Variants in PARPBP observed in about 807,000 individuals in gnomAD.
PARPBP encodes PARP1 binding protein.
In PARPBP, 52 loss-of-function variants were observed where a neutral mutation model predicts 50.0. The observed-to-expected ratio is 1.04, with a 90% CI of 0.83 to 1.31. PARPBP has a LOEUF of 1.31. PARPBP is among the 50% of genes most tolerant of loss of function. The probability of loss-of-function intolerance (pLI) is 0.00; values close to 1 mark genes in which losing one functional copy is unlikely to be tolerated. For missense variants in PARPBP, 697 were observed against 672.0 expected, an observed-to-expected ratio of 1.04 and a Z score of -0.41; for synonymous variants, 244 against 232.1, an observed-to-expected ratio of 1.05 and a Z score of -0.47.
Position 102,165,868 on chromosome 12 carries a change from A to G in PARPBP, c.806A>G (p.Glu269Gly). ...FIDKLDEILGEIPNPSIAGGQ... is the reference protein window; with the variant it reads ...FIDKLDEILGGIPNPSIAGGQ... ...GACAAATTAGATGAGATTCTTGGAG[A>G]AATACCAAACCCAAGGTAATGACTT... The change falls in exon 6 of 11, where the codon GAA becomes GGA. Residue 269 changes from glutamate to glycine, a missense_variant. Glu to Gly is a moderately conservative substitution (Grantham distance 98). Transcript: ENST00000327680. 1 of 1,555,726 alleles carries G rather than the reference A, an allele frequency of 6.4e-7. No individual in the cohort carries two copies. Among genetic ancestry groups the G allele is most frequent in the Non-Finnish European group, 8.8e-7 (1 of 1,131,964 alleles).
At chr12:102,124,532 G>T (rs1881662887) in intron 2 of PARPBP, among the ~76,000 whole-genome samples, 1 of 152,148 alleles carries the variant, frequency 6.6e-6, no homozygotes, top group African/African-American at 2.4e-5. Flanking sequence ...AAGGGTTAGA[G>T]GTGTTCAGAT....
At chr12:102,122,317 A>C (rs12311320) in intron 1 of PARPBP, among the ~76,000 whole-genome samples, 5 of 152,184 alleles carry the variant, frequency 3.3e-5, no homozygotes, top group African/African-American at 1.2e-4. Context: ...ATTAATCTCT[A>C]ATCTTCTACC....
chr12:102,174,962 A>G (rs1419510674), intron 6 of PARPBP, among the ~76,000 whole-genome samples: 2 of 152,202 alleles, frequency 1.3e-5, no homozygotes, highest in East Asian at 1.9e-4. Context: ...TTTTCACGTC[A>G]GTTTCCTTCC....
At chr12:102,195,554 A>T in intron 10 of PARPBP, 107 bp downstream of exon 10, 2 of 825,268 alleles carry the variant, frequency 2.4e-6, no homozygotes, top group East Asian at 5.3e-5. Context: ...ATGAAATGTA[A>T]AGGGTAATAT....
At chr12:102,190,302 A>G (rs1280969317) in intron 9 of PARPBP, among the ~76,000 whole-genome samples, 1 of 152,072 alleles carries the variant, frequency 6.6e-6, no homozygotes, top group Non-Finnish European at 1.5e-5. Flanking sequence ...AATTCATTCA[A>G]AAAACAGTAA....
At position 102,196,658 on chromosome 12, in the gene PARPBP, T is replaced by G. The variant is rs377553179; in HGVS notation, c.*367T>G. On this transcript the variant is annotated 3_prime_UTR_variant, in exon 11 of 11. Transcript: ENST00000327680. ...TGATGTGGACCAACAGGTATCAGAC[T>G]TGCCAACAAGGTCGGTAGACTCTTC... 55 of 1,609,222 alleles carry G rather than the reference T, an allele frequency of 3.4e-5. No individual in the cohort carries two copies. The African/African-American group carries it at 6.8e-4, about 20-fold the overall frequency.
chr12:102,153,922 T>A lies in PARPBP; in HGVS notation c.441T>A (p.Thr147=). The change falls in exon 4 of 11, where the codon ACT becomes ACA. Residue 147 remains threonine, a synonymous_variant. Transcript: ENST00000327680. ...SGKQYAVGDE[T]DLSIPTSPTS... Reference sequence around the variant, plus strand: ...AACAGTATGCAGTAGGTGATGAAACTGATCTTTCTATACCAACATCACCAA... The same window carrying A: ...AACAGTATGCAGTAGGTGATGAAACAGATCTTTCTATACCAACATCACCAA... 6.2e-7 allele frequency: 1 copy of A among 1,611,844 alleles called. No individual in the cohort carries two copies. Among genetic ancestry groups the A allele is most frequent in the Non-Finnish European group, 8.5e-7 (1 of 1,178,022 alleles).
chr12:102,154,801 A>T (rs996309339), intron 4 of PARPBP: 2 of 452,900 alleles, frequency 4.4e-6, no homozygotes, highest in Admixed American at 2.4e-5. Context: ...AAAGGATATC[A>T]ATTAACTAAA....
intron 4 of PARPBP, among the ~76,000 whole-genome samples, chr12:102,157,823 A>G (rs1164143874): frequency 6.6e-6 from 1 of 152,134 alleles, no homozygotes; most frequent in Non-Finnish European, 1.5e-5. Context: ...TAGTATCTAT[A>G]GAATAGTGAG....
chr12:102,173,773 G>A (rs149142858), intron 6 of PARPBP, among the ~76,000 whole-genome samples: 80 of 151,398 alleles, frequency 5.3e-4, no homozygotes, highest in African/African-American at 1.7e-3. Flanking sequence ...AGAGATGTTT[G>A]TCCTCAGGAT....
intron 4 of PARPBP, among the ~76,000 whole-genome samples, chr12:102,164,101 AACTG>A (rs767491139): frequency 7.9e-5 from 12 of 152,184 alleles, no homozygotes; most frequent in Non-Finnish European, 1.5e-4. Context: ...GCTAGTGGGC[AACTG>A]ACTTGCCTGA....
intron 2 of PARPBP, among the ~76,000 whole-genome samples, chr12:102,125,250 T>C (rs1881809033): frequency 6.6e-6 from 1 of 152,224 alleles, no homozygotes; most frequent in Admixed American, 6.5e-5. Flanking sequence ...GAGAGATAGC[T>C]AGTACTGTAA....
chr12:102,197,504 A>T lies in PARPBP; in HGVS notation c.*1213A>T. ...TAAATTTTCATTGAAATAAACGACA[A>T]GTCACATTGCCACTTACCTTTGAAA... On this transcript the variant is annotated 3_prime_UTR_variant, in exon 11 of 11. Transcript: ENST00000327680. The T allele has an allele frequency of 6.3e-7, 1 of 1,580,564 alleles. No homozygotes were observed. Among genetic ancestry groups the T allele is most frequent in the Non-Finnish European group, 8.6e-7 (1 of 1,166,680 alleles).
At chr12:102,121,543 CTCTT>C (rs1881086260) in intron 1 of PARPBP, among the ~76,000 whole-genome samples, 1 of 124,074 alleles carries the variant, frequency 8.1e-6, no homozygotes, top group South Asian at 2.6e-4. Flanking sequence ...CATAGTAATG[CTCTT>C]TTTTTTTTTT....
At chr12:102,133,637 C>G (rs558881110) in intron 2 of PARPBP, among the ~76,000 whole-genome samples, 2 of 151,884 alleles carry the variant, frequency 1.3e-5, no homozygotes, top group Non-Finnish European at 2.9e-5. Flanking sequence ...GAATCCGGGT[C>G]ATGGTTGTTT....
chr12:102,195,975 G>A lies in PARPBP; in HGVS notation c.1424G>A (p.Arg475Lys), dbSNP rs753989591. 2.0e-5 allele frequency: 32 copies of A among 1,603,292 alleles called. No individual in the cohort carries two copies. The highest frequency in any genetic ancestry group is 1.2e-5 in the Non-Finnish European group (14 of 1,175,104). The stretch of plus-strand genomic sequence containing the variant: ...GAGGGTGTAAATCCATCTGTTGGAA[G>A]ATCAACAATTGGAACGAGTTTTGGA... ...LSEGVNPSVG[R>K]STIGTSFGNV... The change falls in exon 11 of 11, where the codon AGA becomes AAA. Residue 475 changes from arginine to lysine, a missense_variant. Coordinates refer to ENST00000327680, the MANE Select transcript of PARPBP (RefSeq NM_017915.5).
intron 4 of PARPBP, among the ~76,000 whole-genome samples, chr12:102,156,262 T>C (rs532958527): frequency 1.4e-5 from 2 of 139,418 alleles, no homozygotes; most frequent in South Asian, 4.8e-4. Flanking sequence ...TCTCGGCTCA[T>C]TGGAAGCTCC....
chr12:102,155,851 G>C (rs1016953019), intron 4 of PARPBP, among the ~76,000 whole-genome samples: 2 of 152,216 alleles, frequency 1.3e-5, no homozygotes, highest in Non-Finnish European at 2.9e-5. Flanking sequence ...GATCTAGCCA[G>C]GCGCTCATTG....
At chr12:102,181,853 T>C (rs1000521475) in intron 8 of PARPBP, among the ~76,000 whole-genome samples, 4 of 152,128 alleles carry the variant, frequency 2.6e-5, no homozygotes, top group Middle Eastern at 3.2e-3. Flanking sequence ...AGATTTGGTG[T>C]CTGATGAGGG....
Sources: allele counts gnomAD v4.1 joint callset (sites outside exome capture counted in the v4.1 genomes callset), GRCh38; gene constraint gnomAD v4.1.1; transcripts MANE v1.5; gene names NCBI Gene and HGNC (gene_info 2026-07-23, HGNC 2026-07-21).